OLFM4: variants seen among roughly 807,000 people sequenced by gnomAD.
OLFM4 encodes the protein olfactomedin 4.
Under a neutral mutation model 25.5 loss-of-function variants are expected in OLFM4, and 22 were observed. The observed-to-expected ratio is 0.86, with a 90% CI of 0.62 to 1.23. OLFM4 has a LOEUF of 1.23. Among genes scored for constraint, OLFM4 ranks in the 50% most tolerant of loss-of-function variants. The probability of loss-of-function intolerance (pLI) is 0.00; values close to 1 mark genes in which losing one functional copy is unlikely to be tolerated. For missense variants in OLFM4, 594 were observed against 619.4 expected (o/e 0.96, Z 0.44); for synonymous variants, 255 against 237.7 (o/e 1.07, Z -0.67).
Position 53,029,027 on chromosome 13 carries a change from G to T in OLFM4, c.191G>T (p.Gly64Val), listed in dbSNP as rs149998643. The T allele has an allele frequency of 2.4e-5, 39 of 1,614,018 alleles. No individual in the cohort carries two copies. The highest frequency in any genetic ancestry group is 3.2e-5 in the Non-Finnish European group (38 of 1,180,040). ...TCCAGCCGCAGCTTAGGCAGCGGAG[G>T]TTCTGTGTCCCAGGTGAGGAGGCCC... ...SSSSRSLGSG[G>V]SVSQLFSNFT... is the part of the protein sequence containing the mutation. The change falls in exon 1 of 5, where the codon GGT becomes GTT. Residue 64 changes from glycine (G) to valine (V), a missense_variant. Coordinates refer to ENST00000219022, the MANE Select transcript of OLFM4 (RefSeq NM_006418.5).
Position 53,028,964 on chromosome 13 carries a change from G to T in OLFM4, c.128G>T (p.Ser43Ile). 1 of 1,613,892 alleles carries T rather than the reference G, an allele frequency of 6.2e-7. No individual in the cohort carries two copies. The change falls in exon 1 of 5, where the codon AGC becomes ATC. Residue 43 changes from serine (S) to isoleucine (I), a missense_variant. Coordinates refer to ENST00000219022, the MANE Select transcript of OLFM4 (RefSeq NM_006418.5). ...GFSSFPGVDSSSSFSSSSRSG... is the reference protein window; with the variant it reads ...GFSSFPGVDSISSFSSSSRSG... ...AGCTCTTTCCCAGGTGTTGACTCCA[G>T]CTCCAGCTTCAGCTCCAGCTCCAGG...
rs751217419 is a variant in OLFM4, at chr13:53,050,474, C to T, written c.1236C>T (p.Asp412=). The change falls in exon 5 of 5, where the codon GAC becomes GAT. Residue 412 remains aspartate, a synonymous_variant. Transcript: ENST00000219022. ...TGNMVISKLN[D]TTLQVLNTWY... Reference sequence around the variant, plus strand: ...ACATGGTGATTAGTAAACTCAATGACACCACACTTCAGGTGCTAAACACTT... The same window carrying T: ...ACATGGTGATTAGTAAACTCAATGATACCACACTTCAGGTGCTAAACACTT... 6.2e-7 allele frequency: 1 copy of T among 1,614,064 alleles called. No homozygotes were observed. The highest frequency in any genetic ancestry group is 2.2e-5 in the East Asian group (1 of 44,866).
At chr13:53,037,235 CTGT>C (rs1370236899) in intron 2 of OLFM4, among the ~76,000 whole-genome samples, 1 of 152,202 alleles carries the variant, frequency 6.6e-6, no homozygotes, top group Admixed American at 6.5e-5. Flanking sequence ...TTATACTTTT[CTGT>C]TGTTTACGGT....
At chr13:53,029,085 C>T in intron 1 of OLFM4, 45 bp downstream of exon 1, 1 of 1,606,928 alleles carries the variant, frequency 6.2e-7, no homozygotes, top group Non-Finnish European at 8.5e-7. Flanking sequence ...CATTCCCTTC[C>T]ATTTGCTTTT....
rs2138244138 is a variant in OLFM4 at position 53,050,475 on chromosome 13, A to G, written c.1237A>G (p.Thr413Ala). The part of the protein sequence containing the change: ...GNMVISKLND[T>A]TLQVLNTWYT... The stretch of plus-strand genomic sequence containing the variant: ...CATGGTGATTAGTAAACTCAATGAC[A>G]CCACACTTCAGGTGCTAAACACTTG... Residue 413 changes from threonine to alanine, a missense_variant, in exon 5 of 5, where the codon ACC becomes GCC. Coordinates refer to ENST00000219022, the MANE Select transcript of OLFM4 (RefSeq NM_006418.5). 6.2e-7 allele frequency: 1 copy of G among 1,614,060 alleles called. No homozygotes were observed. Among genetic ancestry groups the G allele is most frequent in the Non-Finnish European group, 8.5e-7 (1 of 1,179,972 alleles).
chr13:53,047,389 T>A (rs1439446350), intron 4 of OLFM4, among the ~76,000 whole-genome samples: 1 of 151,756 alleles, frequency 6.6e-6, no homozygotes, highest in African/African-American at 2.4e-5. Flanking sequence ...CTGCCAGGAG[T>A]CGAGGAAGCC....
chr13:53,029,376 A>G (rs907330271), intron 1 of OLFM4, among the ~76,000 whole-genome samples: 2 of 152,124 alleles, frequency 1.3e-5, no homozygotes, highest in Admixed American at 6.5e-5. Flanking sequence ...TCCTACATAG[A>G]TGTATACAAA....
chr13:53,045,081 G>T (rs1368605818), intron 4 of OLFM4, among the ~76,000 whole-genome samples: 2 of 152,130 alleles, frequency 1.3e-5, no homozygotes, highest in Non-Finnish European at 1.5e-5. Flanking sequence ...CAGAGCAGAA[G>T]CTGCAAGGCA....
intron 2 of OLFM4, among the ~76,000 whole-genome samples, chr13:53,041,119 G>T (rs931139255): frequency 1.3e-5 from 2 of 152,210 alleles, no homozygotes; most frequent in East Asian, 1.9e-4. Context: ...TCCCTTTACT[G>T]GGTATATGCC....
chr13:53,029,318 C>T (rs774653795), intron 1 of OLFM4, among the ~76,000 whole-genome samples: 13 of 151,826 alleles, frequency 8.6e-5, no homozygotes, highest in Admixed American at 6.6e-5. Context: ...AATGGGTGGC[C>T]GGGGGGACTC....
rs1954658088 is a variant in OLFM4 at position 53,036,296 on chromosome 13, A to T, written c.357+1796A>T. On this transcript the variant is annotated intron_variant, in intron 2 of 4. Transcript: ENST00000219022. ...TCATAGCCTTATTCCAGCATAATCA[A>T]GTACAGATAAGAAGTTATGCATAAA... Among the ~76,000 whole-genome samples, 3 of 152,374 alleles carry T rather than the reference A, an allele frequency of 2.0e-5. No homozygotes were observed. The South Asian group carries it at 6.2e-4, about 32-fold the overall frequency.
intron 2 of OLFM4, among the ~76,000 whole-genome samples, chr13:53,036,232 A>G (rs1020073282): frequency 1.4e-4 from 22 of 152,262 alleles, no homozygotes; most frequent in Non-Finnish European, 2.9e-4. Context: ...ATCAGTGGAA[A>G]AGGCACAGCA....
chr13:53,040,581 G>T (rs1018596853), intron 2 of OLFM4, among the ~76,000 whole-genome samples: 3 of 152,220 alleles, frequency 2.0e-5, no homozygotes, highest in South Asian at 2.1e-4. Context: ...CAACGATTTT[G>T]TCCCCAGGGA....
At position 53,050,672 on chromosome 13, in the gene OLFM4, G is replaced by T; in HGVS notation, c.1434G>T (p.Val478=). ...DIVMHKMQEK[V]QSINYNPFDQ... Reference sequence around the variant, plus strand: ...TAATGCATAAGATGCAGGAAAAAGTGCAGAGCATTAACTATAACCCTTTTG... The same window carrying T: ...TAATGCATAAGATGCAGGAAAAAGTTCAGAGCATTAACTATAACCCTTTTG... Residue 478 remains valine (V), a synonymous_variant, in exon 5 of 5, where the codon GTG becomes GTT. Transcript: ENST00000219022. 1.2e-6 allele frequency: 2 copies of T among 1,613,920 alleles called. No individual in the cohort carries two copies. The highest frequency in any genetic ancestry group is 8.5e-7 in the Non-Finnish European group (1 of 1,179,918).
intron 3 of OLFM4, among the ~76,000 whole-genome samples, chr13:53,042,887 A>C (rs556140147): frequency 6.6e-6 from 1 of 152,290 alleles, no homozygotes; most frequent in South Asian, 2.1e-4. Flanking sequence ...TAAAGCTATT[A>C]AAATCTTTGC....
In OLFM4 at chr13:53,051,733, T is replaced by A. The variant is rs1004793713; in HGVS notation, c.*962T>A. 6.6e-6 allele frequency: 1 copy of A among 152,228 alleles called. No homozygotes were observed. The highest frequency in any genetic ancestry group is 2.4e-5 in the African/African-American group (1 of 41,460). The allele number at this position is 152,228 out of a possible 1,614,324, so 9.4% of individuals were successfully genotyped here. ...ATTTATTGTTATCTAATAAAGACCT[T>A]GGAGCATATGTGCAACTTATGAGTG... is the stretch of plus-strand genomic sequence containing the variant. On this transcript the variant is annotated 3_prime_UTR_variant, in exon 5 of 5. Transcript: ENST00000219022.
Position 53,034,426 on chromosome 13 carries a change from C to T in OLFM4, c.283C>T (p.Pro95Ser), listed in dbSNP as rs1954646888. The change falls in exon 2 of 5, where the codon CCC becomes TCC. Residue 95 changes from proline to serine, a missense_variant. Pro to Ser is a moderately conservative substitution (Grantham distance 74). Transcript: ENST00000219022. Reference protein sequence around the residue: ...CSVSLPDTTFPVDRVERLEFT... With the variant: ...CSVSLPDTTFSVDRVERLEFT... ...TGTTTCCCTGCCAGACACCACCTTT[C>T]CCGTGGACAGAGTGGAACGCTTGGA... 2 of 1,613,964 alleles carry T rather than the reference C, an allele frequency of 1.2e-6. No homozygotes were observed. Among genetic ancestry groups the T allele is most frequent in the Admixed American group, 1.7e-5 (1 of 59,996 alleles).
intron 2 of OLFM4, among the ~76,000 whole-genome samples, chr13:53,038,383 T>C (rs190917545): frequency 4.1e-4 from 63 of 152,284 alleles, no homozygotes; most frequent in Non-Finnish European, 1.2e-4. Context: ...GTGAACGTCA[T>C]TGTATACTTA....
intron 2 of OLFM4, among the ~76,000 whole-genome samples, chr13:53,036,686 T>C (rs1954660491): frequency 6.6e-6 from 1 of 152,216 alleles, no homozygotes; most frequent in Admixed American, 6.5e-5. Flanking sequence ...ATATAATCGA[T>C]TTAGTGTGAC....
Sources: gnomAD v4.1 joint callset for allele counts (sites outside exome capture counted in the v4.1 genomes callset) on GRCh38, gnomAD v4.1.1 for gene constraint, MANE v1.5 for transcripts, NCBI Gene and HGNC (gene_info 2026-07-23, HGNC 2026-07-21) for gene names.